Variants in PCED1B observed in about 807,000 individuals in gnomAD.
PCED1B encodes PC-esterase domain-containing protein 1B.
For synonymous variants in PCED1B, 251 were observed against 246.1 expected, an observed-to-expected ratio of 1.02 and a Z score of -0.19; for missense variants, 573 against 573.9, an observed-to-expected ratio of 1.00 and a Z score of 0.02.
At chr12:47,212,364 T>C (rs912413416) in intron 2 of PCED1B, among the ~76,000 whole-genome samples, 7 of 152,150 alleles carry the variant, frequency 4.6e-5, no homozygotes, top group Non-Finnish European at 8.8e-5. Context: ...TGCTAAATAA[T>C]GTAAGACCCA....
intron 2 of PCED1B, among the ~76,000 whole-genome samples, chr12:47,130,261 C>CA (rs1309559489): frequency 6.6e-6 from 1 of 151,208 alleles, no homozygotes; most frequent in Non-Finnish European, 1.5e-5. Context: ...TTTTGTAAAA[C>CA]AAAAAAAGGG....
At chr12:47,097,141 A>G (rs1938512709) in intron 1 of PCED1B, among the ~76,000 whole-genome samples, 1 of 152,206 alleles carries the variant, frequency 6.6e-6, no homozygotes, top group Non-Finnish European at 1.5e-5. Context: ...ATTTACATTT[A>G]TATTGGCAGA....
chr12:47,159,455 G>A lies in PCED1B; in HGVS notation c.-526+55260G>A, dbSNP rs117703725. On this transcript the variant is annotated intron_variant, in intron 2 of 3. Transcript: ENST00000546455. ...ATAACTATTCTAATTGGGATGAGAT[G>A]ATATCTCATTGTGGTTTTTGTTTGC... Among the ~76,000 whole-genome samples the A allele has an allele frequency of 8.9e-3, 1,351 of 152,242 alleles. 7 individuals are homozygous for A. Among genetic ancestry groups the A allele is most frequent in the Non-Finnish European group, 0.014 (944 of 67,996 alleles).
At chr12:47,214,652 A>G (rs532383297) in intron 2 of PCED1B, among the ~76,000 whole-genome samples, 47 of 152,322 alleles carry the variant, frequency 3.1e-4, no homozygotes, top group Non-Finnish European at 5.4e-4. Context: ...AATTCAAAAA[A>G]AAAGAAAAGA....
At position 47,133,667 on chromosome 12, in the gene PCED1B, C is replaced by T. The variant is rs191626890; in HGVS notation, c.-526+29472C>T. Among the ~76,000 whole-genome samples the T allele has an allele frequency of 3.2e-4, 49 of 152,196 alleles. 1 individual carries two copies. The highest frequency in any genetic ancestry group is 1.1e-3 in the African/African-American group (44 of 41,500). On this transcript the variant is annotated intron_variant, in intron 2 of 3. Transcript: ENST00000546455. ...ATCACAGTATGAGCAAAAATTATAC[C>T]CAGATATATTACTTGTCAGGGCAAG...
chr12:47,096,941 G>A (rs921795146), intron 1 of PCED1B, among the ~76,000 whole-genome samples: 21 of 152,176 alleles, frequency 1.4e-4, no homozygotes, highest in African/African-American at 4.6e-4. Context: ...AGCAAGATCA[G>A]GCAGCAATAT....
chr12:47,231,149 G>A (rs991963827), intron 3 of PCED1B, among the ~76,000 whole-genome samples: 6 of 152,138 alleles, frequency 3.9e-5, no homozygotes, highest in African/African-American at 1.2e-4. Context: ...GTTCTTAAGT[G>A]GGATCTTCGG....
chr12:47,223,667 A>G (rs1012981491), intron 3 of PCED1B: 12 of 152,244 alleles, frequency 7.9e-5, no homozygotes, highest in African/African-American at 2.9e-4. Flanking sequence ...CTTTACGCCT[A>G]AGGAGGTACC....
intron 2 of PCED1B, among the ~76,000 whole-genome samples, chr12:47,192,985 C>T (rs1047343563): frequency 3.9e-5 from 6 of 152,162 alleles, no homozygotes; most frequent in Admixed American, 3.9e-4. Context: ...CCCATATTTG[C>T]AAGCAGAGTA....
At chr12:47,096,191 A>G (rs899816710) in intron 1 of PCED1B, among the ~76,000 whole-genome samples, 13 of 152,134 alleles carry the variant, frequency 8.5e-5, no homozygotes, top group Non-Finnish European at 1.9e-4. Flanking sequence ...GTACAGTATC[A>G]TATCCCATAG....
At chr12:47,133,129 C>T (rs12308658) in intron 2 of PCED1B, among the ~76,000 whole-genome samples, 6,785 of 152,118 alleles carry the variant, frequency 0.045, 320 homozygotes, top group African/African-American at 0.12. Flanking sequence ...ATCATGAAAA[C>T]AAACATTATT....
At chr12:47,148,739 C>T (rs1430087988) in intron 2 of PCED1B, among the ~76,000 whole-genome samples, 1 of 152,194 alleles carries the variant, frequency 6.6e-6, no homozygotes, top group African/African-American at 2.4e-5. Flanking sequence ...AGGAAATGCA[C>T]CCTTAGTTTT....
chr12:47,193,958 C>G (rs1164424367), intron 2 of PCED1B, among the ~76,000 whole-genome samples: 1 of 152,202 alleles, frequency 6.6e-6, no homozygotes, highest in African/African-American at 2.4e-5. Flanking sequence ...AAGCTGCATT[C>G]TGGTTTCCTG....
chr12:47,117,544 T>A (rs1297458976), intron 2 of PCED1B, among the ~76,000 whole-genome samples: 1 of 152,260 alleles, frequency 6.6e-6, no homozygotes, highest in Non-Finnish European at 1.5e-5. Flanking sequence ...TCTTTATGGC[T>A]GCATAGTATT....
intron 1 of PCED1B, among the ~76,000 whole-genome samples, chr12:47,093,353 G>A (rs1101753): frequency 0.87 from 132,627 of 151,664 alleles, 58,075 homozygotes; most frequent in Admixed American, 0.91. Context: ...CTGTTGTTGC[G>A]AATTTGTTTT....
chr12:47,127,157 T>G (rs1288430517), intron 2 of PCED1B, among the ~76,000 whole-genome samples: 1 of 152,178 alleles, frequency 6.6e-6, no homozygotes, highest in Non-Finnish European at 1.5e-5. Flanking sequence ...TAAACTGTCC[T>G]TTATGAACTG....
chr12:47,148,444 G>A (rs1424104573), intron 2 of PCED1B, among the ~76,000 whole-genome samples: 1 of 152,202 alleles, frequency 6.6e-6, no homozygotes, highest in East Asian at 1.9e-4. Flanking sequence ...TGTTAGAAGA[G>A]AGTGAGTAGG....
intron 2 of PCED1B, among the ~76,000 whole-genome samples, chr12:47,105,630 G>C (rs546141399): frequency 2.0e-5 from 3 of 152,256 alleles, no homozygotes; most frequent in African/African-American, 7.2e-5. Context: ...GGTGGAAACT[G>C]TTGCTCAAAA....
chr12:47,121,320 G>A (rs1939670149), intron 2 of PCED1B, among the ~76,000 whole-genome samples: 1 of 152,110 alleles, frequency 6.6e-6, no homozygotes, highest in Admixed American at 6.5e-5. Flanking sequence ...TGGCTACAAA[G>A]TTATGAATCG....
Sources: allele counts gnomAD v4.1 joint callset (sites outside exome capture counted in the v4.1 genomes callset), GRCh38; gene constraint gnomAD v4.1.1; transcripts MANE v1.5; gene names NCBI Gene and HGNC (gene_info 2026-07-23, HGNC 2026-07-21).